Variants in BCOR observed in about 807,000 individuals in gnomAD.
BCOR encodes the protein BCL6 corepressor.
A neutral mutation model predicts 86.7 loss-of-function variants in BCOR; 10 were observed. The observed-to-expected ratio is 0.12, with a 90% confidence interval of 0.07 to 0.20. The LOEUF (loss-of-function observed/expected upper bound fraction) is 0.20, where lower values mean the gene tolerates loss of function less well. Ranked by LOEUF, BCOR falls within the 10% of genes least tolerant of loss-of-function variation. BCOR has a pLI of 1.00. For synonymous variants in BCOR, 611 were observed against 609.0 expected, an observed-to-expected ratio of 1.00 and a Z score of -0.05; for missense variants, 1,259 against 1,452.1, an observed-to-expected ratio of 0.87 and a Z score of 2.16.
chrX:40,063,110 G>GC, intron 8 of BCOR, 39 bp from the exon 9 acceptor site: 11 of 644,535 alleles, frequency 1.7e-5, no homozygotes, highest in East Asian at 1.1e-4. Context: ...GGGCGGATGG[G>GC]AGACGGGAGA....
At chrX:40,110,667 C>CTTT (rs546960508) in intron 1 of BCOR, among the ~76,000 whole-genome samples, 3 of 29,547 alleles carry the variant, frequency 1.0e-4, no homozygotes, top group Non-Finnish European at 1.4e-4. Context: ...TTTCCTTTTT[C>CTTT]TTTTTTTTTT....
chrX:40,072,922 A>G lies in BCOR; in HGVS notation c.2424T>C (p.Leu808=), dbSNP rs142968718. The change falls in exon 4 of 15, where the codon CTT becomes CTC. Residue 808 remains leucine (L), a synonymous_variant. Transcript: ENST00000378444. The part of the protein sequence containing the change: ...VKSDKLVYVD[L]LREEPDAKTD... Reference sequence around the variant, plus strand: ...TTTTAGCATCTGGTTCTTCTCGGAGAAGGTCTACGTAGACAAGCTTGTCGC... The same window carrying G: ...TTTTAGCATCTGGTTCTTCTCGGAGGAGGTCTACGTAGACAAGCTTGTCGC... 173 of 1,209,359 alleles carry G rather than the reference A, an allele frequency of 1.4e-4. No individual in the cohort carries two copies. In the African/African-American group the frequency reaches 2.8e-3, roughly 20 times the overall value.
At chrX:40,082,978 C>T (rs908777554) in intron 1 of BCOR, among the ~76,000 whole-genome samples, 8 of 109,096 alleles carry the variant, frequency 7.3e-5, no homozygotes, top group Non-Finnish European at 1.5e-4. Context: ...GTAGATTTTA[C>T]AGAAGCCCAA....
rs6610384 is a variant in BCOR at position 40,075,235 on chromosome X, C to T, written c.166-55G>A. 131,476 of 1,055,080 alleles carry T rather than the reference C, an allele frequency of 0.12. 13,473 individuals carry two copies. The highest frequency in any genetic ancestry group is 0.65 in the East Asian group (20,140 of 30,958). 87.0% of individuals were successfully genotyped at this position (1,055,080 alleles called of 1,213,427 possible). ...GGGATACTCCTTCAAGGCAGCAGCACCCAAAGACACTGCCAACTAGTTCAA... is the reference window on the plus strand; with the variant it reads ...GGGATACTCCTTCAAGGCAGCAGCATCCAAAGACACTGCCAACTAGTTCAA... On this transcript the variant is annotated intron_variant, in intron 3 of 14. Coordinates refer to ENST00000378444, the MANE Select transcript of BCOR (RefSeq NM_001123385.2).
At chrX:40,094,205 C>T (rs1382482508) in intron 1 of BCOR, among the ~76,000 whole-genome samples, 2 of 111,813 alleles carry the variant, frequency 1.8e-5, no homozygotes, top group African/African-American at 6.5e-5. Context: ...GGCTAGCTCG[C>T]TCACTCGCAG....
At chrX:40,146,114 T>A (rs866525098) in intron 1 of BCOR, among the ~76,000 whole-genome samples, 2 of 111,787 alleles carry the variant, frequency 1.8e-5, no homozygotes, top group Admixed American at 9.4e-5. Context: ...TAGCACACAT[T>A]CCGACTGCGA....
At chrX:40,112,681 G>A in intron 1 of BCOR, among the ~76,000 whole-genome samples, 1 of 111,655 alleles carries the variant, frequency 9.0e-6, no homozygotes, top group Admixed American at 9.6e-5. Flanking sequence ...CTCCTAAAGT[G>A]CTGGGATTAC....
intron 10 of BCOR, among the ~76,000 whole-genome samples, chrX:40,061,254 A>C (rs929221745): frequency 7.1e-5 from 8 of 112,045 alleles, no homozygotes; most frequent in African/African-American, 2.6e-4. Context: ...GGGGAGACGC[A>C]CAGGGGCAGA....
rs371301039 is a variant in BCOR, at chrX:40,085,100, G to A, written c.-40-7131C>T. 3.1e-4 allele frequency among the ~76,000 whole-genome samples: 35 copies of A among 113,186 alleles called. No individual in the cohort carries two copies. In the East Asian group the frequency reaches 6.4e-3, roughly 21 times the overall value. On this transcript the variant is annotated intron_variant, in intron 1 of 14. Transcript: ENST00000378444. ...GATCCATGGGACTAGACACGACACC[G>A]CCAAGGTTAAAATGCCCCGAACAGC... is the stretch of plus-strand genomic sequence containing the variant.
intron 1 of BCOR, among the ~76,000 whole-genome samples, chrX:40,138,690 G>A (rs368477870): frequency 1.8e-5 from 2 of 110,217 alleles, no homozygotes; most frequent in South Asian, 3.9e-4. Context: ...GAGTAGCTGG[G>A]GTTACAGGCA....
intron 1 of BCOR, among the ~76,000 whole-genome samples, chrX:40,160,809 A>C (rs1374850505): frequency 2.0e-5 from 2 of 101,288 alleles, no homozygotes; most frequent in African/African-American, 7.2e-5. Context: ...GACTACAGGC[A>C]CACTCCGCCA....
intron 1 of BCOR, among the ~76,000 whole-genome samples, chrX:40,112,058 C>T (rs865991372): frequency 2.7e-5 from 3 of 110,971 alleles, no homozygotes; most frequent in Admixed American, 9.6e-5. Context: ...GGGGGGGCGG[C>T]GTTGTTTTTC....
chrX:40,094,151 G>A (rs1267774120), intron 1 of BCOR, among the ~76,000 whole-genome samples: 1 of 111,410 alleles, frequency 9.0e-6, no homozygotes, highest in Non-Finnish European at 1.9e-5. Flanking sequence ...AGGGTTAAGA[G>A]AAACCCCCAC....
At position 40,063,049 on chromosome X, in the gene BCOR, A is replaced by G; in HGVS notation, c.3870T>C (p.Ser1290=). Residue 1290 remains serine, a synonymous_variant, in exon 9 of 15, where the codon TCT becomes TCC. Coordinates refer to ENST00000378444, the MANE Select transcript of BCOR (RefSeq NM_001123385.2). ...NEQGLPVFSG[S]PPMKSLSSTS... The stretch of plus-strand genomic sequence containing the variant: ...TGGATGAAAGACTCTTCATGGGCGG[A>G]GAGCCGGAGAACACAGGCAAGCCTA... The G allele has an allele frequency of 9.1e-7, 1 of 1,100,958 alleles. No individual in the cohort carries two copies. Among genetic ancestry groups the G allele is most frequent in the Non-Finnish European group, 1.2e-6 (1 of 838,118 alleles). The allele number at this position is 1,100,958 out of a possible 1,213,427, so 90.7% of individuals were successfully genotyped here. A position where few individuals can be genotyped will look rare whatever the true frequency, so the allele number is the denominator to read the frequency against.
At chrX:40,162,840 T>C (rs927071497) in intron 1 of BCOR, among the ~76,000 whole-genome samples, 25 of 111,852 alleles carry the variant, frequency 2.2e-4, no homozygotes, top group African/African-American at 7.1e-4. Flanking sequence ...GCAGATCAAA[T>C]AGCAGATCAA....
chrX:40,106,516 T>C (rs1236405659), intron 1 of BCOR, among the ~76,000 whole-genome samples: 1 of 109,873 alleles, frequency 9.1e-6, no homozygotes, highest in Non-Finnish European at 1.9e-5. Flanking sequence ...CACGGAAACA[T>C]GGCGCAGCGC....
At chrX:40,084,042 G>A (rs924461742) in intron 1 of BCOR, among the ~76,000 whole-genome samples, 2 of 112,274 alleles carry the variant, frequency 1.8e-5, no homozygotes, top group Admixed American at 9.3e-5. Flanking sequence ...CCTCGCCATC[G>A]TTCTGGGTTC....
At chrX:40,087,978 C>T (rs779406607) in intron 1 of BCOR, among the ~76,000 whole-genome samples, 17 of 112,422 alleles carry the variant, frequency 1.5e-4, no homozygotes, top group African/African-American at 3.9e-4. Context: ...TCCTAAATGA[C>T]GTAGGCCTCG....
chrX:40,125,467 CAA>C (rs1937528113), intron 1 of BCOR, among the ~76,000 whole-genome samples: 1 of 111,628 alleles, frequency 9.0e-6, no homozygotes, highest in African/African-American at 3.3e-5. Flanking sequence ...CTCTTGACCT[CAA>C]GTGATCCATC....
Sources: gnomAD v4.1 joint callset for allele counts (sites outside exome capture counted in the v4.1 genomes callset) on GRCh38, gnomAD v4.1.1 for gene constraint, MANE v1.5 for transcripts, NCBI Gene and HGNC (gene_info 2026-07-23, HGNC 2026-07-21) for gene names.